The following SLC39A14 variants were observed in gnomAD, a reference collection of about 807,000 sequenced individuals.
The protein encoded by SLC39A14 is metal cation symporter ZIP14.
A neutral mutation model predicts 45.5 loss-of-function variants in SLC39A14; 19 were observed. The observed-to-expected ratio is 0.42, with a 90% CI of 0.29 to 0.61. SLC39A14 has a LOEUF of 0.61. Ranked by LOEUF, SLC39A14 falls within the 20% of genes least tolerant of loss-of-function variation. SLC39A14 has a pLI of 0.22. For synonymous variants in SLC39A14, 264 were observed against 251.3 expected, an observed-to-expected ratio of 1.05 and a Z score of -0.48; for missense variants, 447 against 616.5, an observed-to-expected ratio of 0.73 and a Z score of 2.91.
intron 1 of SLC39A14, among the ~76,000 whole-genome samples, chr8:22,380,572 A>C (rs1833451051): frequency 6.6e-6 from 1 of 152,124 alleles, no homozygotes; most frequent in South Asian, 2.1e-4. Flanking sequence ...GAATCTGTTT[A>C]ATACCTCCAA....
At chr8:22,395,542 C>G (rs1834337703) in intron 1 of SLC39A14, among the ~76,000 whole-genome samples, 1 of 152,212 alleles carries the variant, frequency 6.6e-6, no homozygotes, top group Non-Finnish European at 1.5e-5. Flanking sequence ...CAAAAACTTG[C>G]AACCTCAGGC....
chr8:22,428,487 G>C (rs951448001), intron 8 of SLC39A14, among the ~76,000 whole-genome samples: 7 of 134,886 alleles, frequency 5.2e-5, no homozygotes, highest in Non-Finnish European at 9.2e-5. Context: ...CCATTGCCCA[G>C]GCTGTAGTGC....
chr8:22,414,149 C>T (rs1478441286), intron 4 of SLC39A14, among the ~76,000 whole-genome samples: 1 of 152,148 alleles, frequency 6.6e-6, no homozygotes, highest in African/African-American at 2.4e-5. Context: ...CTACTCCTGT[C>T]CTCTTCCCAG....
Position 22,409,384 on chromosome 8 carries a change from T to C in SLC39A14, c.457+888T>C, listed in dbSNP as rs548906032. 1.7e-3 allele frequency among the ~76,000 whole-genome samples: 241 copies of C among 141,588 alleles called. 3 individuals are homozygous for C. Among genetic ancestry groups the C allele is most frequent in the African/African-American group, 5.7e-3 (234 of 40,724 alleles). 92.9% of individuals were successfully genotyped at this position (141,588 alleles called of 152,430 possible). ...TACTTGTATGGCTTTTTTTGTTTTT[T>C]TTGTTTGTTTGTTTTGAGACAGACT... On this transcript the variant is annotated intron_variant, in intron 3 of 8. Transcript: ENST00000381237.
downstream of SLC39A14, chr8:22,422,748 G>A (rs1258307314): frequency 1.0e-6 from 1 of 981,730 alleles, no homozygotes; most frequent in Admixed American, 6.1e-5. Flanking sequence ...ACAAGGTGGC[G>A]ATGGTGTCTC....
chr8:22,383,711 C>T (rs1833636194), intron 1 of SLC39A14, among the ~76,000 whole-genome samples: 1 of 152,186 alleles, frequency 6.6e-6, no homozygotes, highest in Non-Finnish European at 1.5e-5. Flanking sequence ...GAATTCCTCC[C>T]TGCCTCCGCC....
intron 1 of SLC39A14, among the ~76,000 whole-genome samples, chr8:22,369,469 G>A (rs1354139852): frequency 1.3e-5 from 2 of 152,234 alleles, no homozygotes; most frequent in Admixed American, 1.3e-4. Flanking sequence ...TGCCTGGTCT[G>A]TGCTGGGCTC....
In SLC39A14 at chr8:22,420,867, T is replaced by C; in HGVS notation, c.*1169T>C. ...CTAATGATTATGCTACAGATGGGTT[T>C]TAAATGACCCGTCTAGGTTACTGCT... On this transcript the variant is annotated 3_prime_UTR_variant, in exon 9 of 9. Transcript: ENST00000381237. The C allele has an allele frequency of 1.0e-6, 1 of 985,520 alleles. No homozygotes were observed. 61.0% of individuals were successfully genotyped at this position (985,520 alleles called of 1,614,324 possible). A position where few individuals can be genotyped will look rare whatever the true frequency, so the allele number is the denominator to read the frequency against.
At chr8:22,404,422 G>A (rs1293138259) in intron 1 of SLC39A14, 14 of 263,406 alleles carry the variant, frequency 5.3e-5, no homozygotes, top group African/African-American at 1.9e-4. Context: ...TGAATCTCCC[G>A]TCTCAAAAAA....
At position 22,421,062 on chromosome 8, in the gene SLC39A14, T is replaced by G. The variant is rs1474797276; in HGVS notation, c.*1364T>G. On this transcript the variant is annotated 3_prime_UTR_variant, in exon 9 of 9. Transcript: ENST00000381237. ...AAGGGGAGCTCTTCTCCAGGTTCACTAGGTGAATTGATTTATTATTATCAT... is the reference window on the plus strand; with the variant it reads ...AAGGGGAGCTCTTCTCCAGGTTCACGAGGTGAATTGATTTATTATTATCAT... 1 of 985,746 alleles carries G rather than the reference T, an allele frequency of 1.0e-6. No individual in the cohort carries two copies. The highest frequency in any genetic ancestry group is 1.2e-6 in the Non-Finnish European group (1 of 829,934). 61.1% of individuals were successfully genotyped at this position (985,746 alleles called of 1,614,324 possible). A position where few individuals can be genotyped will look rare whatever the true frequency, so the allele number is the denominator to read the frequency against.
chr8:22,378,134 ATTGGAAGTAAAC>A (rs1345627677), intron 1 of SLC39A14, among the ~76,000 whole-genome samples: 1 of 152,196 alleles, frequency 6.6e-6, no homozygotes, highest in East Asian at 1.9e-4. Context: ...GAATGGATTA[ATTGGAAGTAAAC>A]TGGAATAGGA....
intron 1 of SLC39A14, among the ~76,000 whole-genome samples, chr8:22,369,108 G>A (rs993606317): frequency 3.9e-5 from 6 of 152,198 alleles, no homozygotes; most frequent in Admixed American, 6.5e-5. Context: ...GTAGCCAGGA[G>A]ATAGGCTAGT....
At chr8:22,414,494 G>A (rs1835759469) in intron 4 of SLC39A14, among the ~76,000 whole-genome samples, 1 of 152,166 alleles carries the variant, frequency 6.6e-6, no homozygotes, top group South Asian at 2.1e-4. Flanking sequence ...AATCAAAAGT[G>A]GAAAACCATA....
At chr8:22,402,291 G>C (rs1349931983) in intron 1 of SLC39A14, among the ~76,000 whole-genome samples, 1 of 151,620 alleles carries the variant, frequency 6.6e-6, no homozygotes, top group African/African-American at 2.4e-5. Context: ...AGGCTGAGGT[G>C]GGAGAATGGT....
rs565209784 is a variant in SLC39A14 at position 22,421,707 on chromosome 8, T to C, written c.*2009T>C. 1.0e-6 allele frequency: 1 copy of C among 984,698 alleles called. No individual in the cohort carries two copies. The highest frequency in any genetic ancestry group is 1.2e-6 in the Non-Finnish European group (1 of 828,866). The allele number at this position is 984,698 out of a possible 1,614,324, so 61.0% of individuals were successfully genotyped here. A position where few individuals can be genotyped will look rare whatever the true frequency, so the allele number is the denominator to read the frequency against. ...ACCTAACTCGCATTGATGTATTAAA[T>C]TTATAATTTTAGCATTCCCAATAGA... is the stretch of plus-strand genomic sequence containing the variant. On this transcript the variant is annotated 3_prime_UTR_variant, in exon 9 of 9. Coordinates refer to ENST00000381237, the MANE Select transcript of SLC39A14 (RefSeq NM_001128431.4).
intron 1 of SLC39A14, chr8:22,398,169 C>T (rs1353887432): frequency 1.3e-5 from 2 of 152,232 alleles, no homozygotes. Flanking sequence ...CACTCCCTCA[C>T]CCACCCCTGC....
chr8:22,380,563 A>G (rs1833450244), intron 1 of SLC39A14, among the ~76,000 whole-genome samples: 1 of 152,100 alleles, frequency 6.6e-6, no homozygotes, highest in Non-Finnish European at 1.5e-5. Flanking sequence ...CGAAGACTGG[A>G]ATCTGTTTAA....
At chr8:22,375,222 T>G (rs539318742) in intron 1 of SLC39A14, among the ~76,000 whole-genome samples, 1 of 125,372 alleles carries the variant, frequency 8.0e-6, no homozygotes, top group African/African-American at 2.5e-5. Flanking sequence ...TGTGATTAAC[T>G]ATACACAGAA....
chr8:22,373,913 C>T (rs1026774783), intron 1 of SLC39A14, among the ~76,000 whole-genome samples: 8 of 152,068 alleles, frequency 5.3e-5, no homozygotes, highest in South Asian at 4.1e-4. Context: ...CACGCGCCAC[C>T]ACGCCCAGCT....
Sources: gnomAD v4.1 joint callset for allele counts (sites outside exome capture counted in the v4.1 genomes callset) on GRCh38, gnomAD v4.1.1 for gene constraint, MANE v1.5 for transcripts, NCBI Gene and HGNC (gene_info 2026-07-23, HGNC 2026-07-21) for gene names.